FABP6: variants seen among roughly 807,000 people sequenced by gnomAD.
FABP6 encodes fatty acid binding protein 6.
Under a neutral mutation model 14.9 loss-of-function variants are expected in FABP6, and 13 were observed. That is an observed-to-expected ratio of 0.87 (90% CI 0.57 to 1.39). The LOEUF is 1.39. Among genes scored for constraint, FABP6 ranks in the 40% most tolerant of loss-of-function variants. The pLI is 0.00. For synonymous variants in FABP6, 75 were observed against 63.6 expected (o/e 1.18, Z -0.85); for missense variants, 161 against 167.2 (o/e 0.96, Z 0.20).
chr5:160,229,359 C>G, upstream of FABP6: 1 of 1,291,096 alleles, frequency 7.7e-7, no homozygotes, highest in Non-Finnish European at 1.0e-6. Context: ...TGAATAACCT[C>G]GGGGCTCTGT....
At chr5:160,228,703 T>G, upstream of FABP6, 1 of 366,406 alleles carries the variant, frequency 2.7e-6, no homozygotes, top group Non-Finnish European at 5.4e-6. Context: ...GTGCGCTGCC[T>G]AGGCCCATGG....
chr5:160,204,497 A>G (rs2032837), intron 2 of FABP6, among the ~76,000 whole-genome samples: 136,771 of 151,646 alleles, frequency 0.9, 61,771 homozygotes, highest in Non-Finnish European at 0.91. Context: ...TTCCTTTTTT[A>G]GGGGGGGTGG....
chr5:160,201,195 A>G (rs1043448684), intron 2 of FABP6, among the ~76,000 whole-genome samples: 2 of 151,960 alleles, frequency 1.3e-5, no homozygotes, highest in East Asian at 3.9e-4. Context: ...ATCTCTAAAA[A>G]AAAAATACAC....
At chr5:160,212,578 C>T (rs1199177075) in intron 2 of FABP6, among the ~76,000 whole-genome samples, 1 of 152,130 alleles carries the variant, frequency 6.6e-6, no homozygotes, top group Admixed American at 6.5e-5. Flanking sequence ...ACGCCATTCT[C>T]CTGCCTCAGC....
chr5:160,193,123 T>C (rs1341969919), intron 1 of FABP6, among the ~76,000 whole-genome samples: 1 of 152,108 alleles, frequency 6.6e-6, no homozygotes, highest in Non-Finnish European at 1.5e-5. Context: ...GTGTTACAGC[T>C]CTTAAGGTGG....
chr5:160,194,437 G>T (rs1005095209), intron 1 of FABP6, among the ~76,000 whole-genome samples: 1 of 152,202 alleles, frequency 6.6e-6, no homozygotes, highest in Admixed American at 6.5e-5. Flanking sequence ...GTGAGCGAGG[G>T]CTGTGAGGAC....
chr5:160,204,903 G>A (rs914402470), intron 2 of FABP6: 1 of 152,178 alleles, frequency 6.6e-6, no homozygotes, highest in Non-Finnish European at 1.5e-5. Context: ...TTGAGCTCAG[G>A]CTTCCTGCTT....
At chr5:160,227,382 C>T (rs907906301), upstream of FABP6, among the ~76,000 whole-genome samples, 2 of 152,044 alleles carry the variant, frequency 1.3e-5, no homozygotes, top group African/African-American at 4.8e-5. Context: ...TAAAAATTAG[C>T]TAAGTGTGGT....
intron 1 of FABP6, chr5:160,196,571 T>G (rs1759513236): frequency 6.6e-6 from 1 of 152,222 alleles, no homozygotes; most frequent in Non-Finnish European, 1.5e-5. Flanking sequence ...CAATTCCATT[T>G]TCTTTTCTTT....
chr5:160,205,155 T>A (rs944863665), intron 2 of FABP6, among the ~76,000 whole-genome samples: 27 of 151,950 alleles, frequency 1.8e-4, no homozygotes, highest in African/African-American at 6.0e-4. Context: ...GAGTCTTCCA[T>A]CTGGCATGGG....
chr5:160,234,996 C>T (rs1760476877), intron 3 of FABP6, 87 bp downstream of exon 3: 2 of 1,129,738 alleles, frequency 1.8e-6, no homozygotes, highest in African/African-American at 3.1e-5. Context: ...CTCTACGCAG[C>T]TGGCTTTACC....
At chr5:160,227,202 A>G (rs2113132074), upstream of FABP6, among the ~76,000 whole-genome samples, 1 of 152,304 alleles carries the variant, frequency 6.6e-6, no homozygotes, top group East Asian at 1.9e-4. Context: ...ACAGAGCAAT[A>G]TAGTCTCATT....
chr5:160,236,984 A>T (rs905430480), intron 3 of FABP6, among the ~76,000 whole-genome samples: 11 of 152,096 alleles, frequency 7.2e-5, no homozygotes, highest in African/African-American at 1.9e-4. Context: ...GTCTCAAAAA[A>T]AATAATAATA....
intron 3 of FABP6, chr5:160,213,863 A>G (rs777816600): frequency 8.9e-5 from 136 of 1,527,266 alleles, no homozygotes; most frequent in Non-Finnish European, 1.5e-5. Context: ...GACGTTTTTC[A>G]GATTCTGGTT....
intron 2 of FABP6, among the ~76,000 whole-genome samples, chr5:160,233,504 A>G (rs1277255394): frequency 6.6e-6 from 1 of 152,220 alleles, no homozygotes; most frequent in African/African-American, 2.4e-5. Flanking sequence ...AAGACAGTGC[A>G]TGAAAGCACC....
At chr5:160,235,341 A>G (rs1234108193) in intron 3 of FABP6, among the ~76,000 whole-genome samples, 3 of 152,184 alleles carry the variant, frequency 2.0e-5, no homozygotes, top group African/African-American at 4.8e-5. Flanking sequence ...GGCCCCTTCT[A>G]CCAGATCTTC....
intron 1 of FABP6, among the ~76,000 whole-genome samples, chr5:160,189,532 C>T (rs1018035640): frequency 3.3e-5 from 5 of 152,072 alleles, no homozygotes; most frequent in South Asian, 2.1e-4. Context: ...CATGAGCCAC[C>T]GCGTCAGGCC....
chr5:160,188,060 T>A (rs1759322714), intron 1 of FABP6, among the ~76,000 whole-genome samples: 1 of 190 alleles, frequency 5.3e-3, no homozygotes, highest in Admixed American at 0.056. Flanking sequence ...GGCCTGCTAA[T>A]ATTTTTTATT....
At chr5:160,191,491 C>A (rs1759392694) in intron 1 of FABP6, among the ~76,000 whole-genome samples, 2 of 151,898 alleles carry the variant, frequency 1.3e-5, no homozygotes, top group South Asian at 2.1e-4. Flanking sequence ...CCAAACCTTA[C>A]CTTACTAGGG....
Sources: allele counts gnomAD v4.1 joint callset (sites outside exome capture counted in the v4.1 genomes callset), GRCh38; gene constraint gnomAD v4.1.1; transcripts MANE v1.5; gene names NCBI Gene and HGNC (gene_info 2026-07-23, HGNC 2026-07-21).